The following RNLS variants were observed in gnomAD, a reference collection of about 807,000 sequenced individuals.
The protein encoded by RNLS is renalase.
RNLS carries 39 observed loss-of-function variants against 39.8 expected under a neutral mutation model. The observed-to-expected ratio is 0.98, with a 90% CI of 0.76 to 1.28. The LOEUF (loss-of-function observed/expected upper bound fraction) is 1.28. Ranked by LOEUF, RNLS falls within the 50% of genes most tolerant of loss-of-function variation. The pLI, the probability that RNLS is intolerant of heterozygous loss-of-function variation, is 0.00. For missense variants in RNLS, 410 were observed against 413.3 expected (o/e 0.99, Z 0.07); for synonymous variants, 147 against 150.7 (o/e 0.98, Z 0.18).
intron 4 of RNLS, among the ~76,000 whole-genome samples, chr10:88,397,083 TAG>T (rs889601706): frequency 4.6e-5 from 7 of 151,872 alleles, no homozygotes; most frequent in Non-Finnish European, 7.4e-5. Context: ...AATAAAGAAA[TAG>T]AGGACTTGAA....
intron 4 of RNLS, among the ~76,000 whole-genome samples, chr10:88,489,949 TGCTAGAAG>T (rs1012416817): frequency 2.0e-5 from 3 of 152,296 alleles, no homozygotes; most frequent in Admixed American, 1.3e-4. Context: ...GATGAGATAT[TGCTAGAAG>T]GCTGTCCATT....
intron 4 of RNLS, among the ~76,000 whole-genome samples, chr10:88,512,203 T>C (rs551880458): frequency 6.6e-6 from 1 of 152,302 alleles, no homozygotes; most frequent in Admixed American, 6.5e-5. Context: ...CTATTTGTAT[T>C]ACTTTCTTTT....
At chr10:88,241,916 T>C in the RNLS span, among the ~76,000 whole-genome samples, 1 of 152,168 alleles carries the variant, frequency 6.6e-6, no homozygotes, top group African/African-American at 2.4e-5. Context: ...TCTCTCTGTC[T>C]CTCTGTCTCT....
At chr10:88,292,082 G>A (rs1272210120) in intron 6 of RNLS, among the ~76,000 whole-genome samples, 1 of 151,938 alleles carries the variant, frequency 6.6e-6, no homozygotes, top group Non-Finnish European at 1.5e-5. Context: ...TAGTAAAGTG[G>A]CTAGTACAGT....
chr10:88,370,996 T>TA (rs1850517914), intron 4 of RNLS, among the ~76,000 whole-genome samples: 1 of 152,182 alleles, frequency 6.6e-6, no homozygotes, highest in Admixed American at 6.6e-5. Flanking sequence ...CAGTTATATC[T>TA]ATGTGGGATT....
chr10:88,212,211 C>T, the RNLS span, among the ~76,000 whole-genome samples: 1 of 152,146 alleles, frequency 6.6e-6, no homozygotes, highest in Non-Finnish European at 1.5e-5. Flanking sequence ...CTTGTAATAT[C>T]AGTTCTTGTT....
the RNLS span, among the ~76,000 whole-genome samples, chr10:88,230,187 A>T: frequency 6.6e-6 from 1 of 152,214 alleles, no homozygotes; most frequent in East Asian, 1.9e-4. Flanking sequence ...TCTGTTAGAA[A>T]TGAGGAAGGG....
At chr10:88,364,441 A>G (rs866632450) in intron 4 of RNLS, among the ~76,000 whole-genome samples, 16 of 152,134 alleles carry the variant, frequency 1.1e-4, no homozygotes, top group Non-Finnish European at 2.9e-5. Context: ...AGCCATCCTC[A>G]TTTTACATCC....
chr10:88,430,728 T>C (rs1855084263), intron 4 of RNLS, among the ~76,000 whole-genome samples: 1 of 151,822 alleles, frequency 6.6e-6, no homozygotes. Context: ...TTTTGTTAAA[T>C]GCTTTTCCTG....
chr10:88,358,247 A>G (rs1265980858), intron 5 of RNLS, among the ~76,000 whole-genome samples: 1 of 152,242 alleles, frequency 6.6e-6, no homozygotes, highest in Non-Finnish European at 1.5e-5. Flanking sequence ...ATTTCTAAAA[A>G]AAATCTCAAG....
the RNLS span, among the ~76,000 whole-genome samples, chr10:88,256,511 C>T: frequency 3.9e-5 from 6 of 152,224 alleles, no homozygotes; most frequent in African/African-American, 9.6e-5. Context: ...CGTCTCCATC[C>T]GCCTTCTTCA....
chr10:88,334,714 C>G lies in RNLS; in HGVS notation c.701-20073G>C, dbSNP rs561172120. On this transcript the variant is annotated intron_variant, in intron 5 of 6. Coordinates refer to ENST00000331772, the MANE Select transcript of RNLS (RefSeq NM_001031709.3). ...ATGGATATTGTCTTATTTTACATTT[C>G]TTTTTTTTCCCTTGAAATCATGATT... 6.6e-5 allele frequency among the ~76,000 whole-genome samples: 10 copies of G among 152,044 alleles called. No individual in the cohort carries two copies. In the South Asian group the frequency reaches 1.0e-3, roughly 16 times the overall value.
At chr10:88,474,417 T>G (rs896498804) in intron 4 of RNLS, among the ~76,000 whole-genome samples, 8 of 152,178 alleles carry the variant, frequency 5.3e-5, no homozygotes, top group Admixed American at 3.9e-4. Flanking sequence ...CCTATGTCCC[T>G]CCTTCTTCTA....
At chr10:88,341,006 C>T (rs1161247316) in intron 5 of RNLS, among the ~76,000 whole-genome samples, 4 of 145,270 alleles carry the variant, frequency 2.8e-5, no homozygotes, top group African/African-American at 1.0e-4. Flanking sequence ...TTGCAGTGAG[C>T]CAAGATCGTG....
At chr10:88,541,001 A>AAAG (rs1848009126) in intron 4 of RNLS, among the ~76,000 whole-genome samples, 1 of 151,774 alleles carries the variant, frequency 6.6e-6, no homozygotes, top group African/African-American at 2.4e-5. Context: ...AAAAAAAAAA[A>AAAG]AAAAGTACAT....
At chr10:88,320,514 A>G (rs541218977) in intron 5 of RNLS, among the ~76,000 whole-genome samples, 1 of 149,002 alleles carries the variant, frequency 6.7e-6, no homozygotes, top group East Asian at 2.0e-4. Flanking sequence ...CTAGATTAAA[A>G]AAAACAAGAC....
At chr10:88,555,450 A>G (rs189240759) in intron 4 of RNLS, among the ~76,000 whole-genome samples, 46 of 152,138 alleles carry the variant, frequency 3.0e-4, no homozygotes, top group Admixed American at 2.8e-3. Flanking sequence ...TAATGAGCTC[A>G]CATGACAGCT....
chr10:88,218,180 C>T, the RNLS span, among the ~76,000 whole-genome samples: 1 of 152,364 alleles, frequency 6.6e-6, no homozygotes, highest in East Asian at 1.9e-4. Context: ...GGTGGCCTGC[C>T]CTCAGTATGG....
At chr10:88,533,373 C>G (rs1847556600) in intron 4 of RNLS, among the ~76,000 whole-genome samples, 1 of 151,912 alleles carries the variant, frequency 6.6e-6, no homozygotes, top group African/African-American at 2.4e-5. Flanking sequence ...CATGGAAATA[C>G]TTTCTAAAGA....
Sources: allele counts gnomAD v4.1 joint callset (sites outside exome capture counted in the v4.1 genomes callset), GRCh38; gene constraint gnomAD v4.1.1; transcripts MANE v1.5; gene names NCBI Gene and HGNC (gene_info 2026-07-23, HGNC 2026-07-21).